Variants in NUP160 observed in about 807,000 individuals in gnomAD.
NUP160 encodes nucleoporin 160, also known as nuclear pore complex protein Nup160.
Under a neutral mutation model 196.9 loss-of-function variants are expected in NUP160, and 94 were observed. The ratio of observed to expected loss-of-function variants is 0.48; its 90% CI spans 0.40 to 0.57. The LOEUF (loss-of-function observed/expected upper bound fraction) is 0.57. Among genes scored for constraint, NUP160 ranks in the 20% least tolerant of loss-of-function variants. The probability of loss-of-function intolerance (pLI) is 0.00; values close to 1 mark genes in which losing one functional copy is unlikely to be tolerated. For missense variants in NUP160, 1,638 were observed against 1,748.3 expected (o/e 0.94, Z 1.13); for synonymous variants, 605 against 619.7 (o/e 0.98, Z 0.35).
intron 27 of NUP160, chr11:47,796,364 C>A: frequency 3.3e-6 from 2 of 602,020 alleles, no homozygotes; most frequent in East Asian, 2.8e-5. Context: ...TGGAATTTAT[C>A]CTTACAAATT....
At position 47,782,300 on chromosome 11, in the gene NUP160, AAAAATATATATATAT is replaced by A. The variant is rs1412675401; in HGVS notation, c.4116+758_4116+772del. Among the ~76,000 whole-genome samples the A allele has an allele frequency of 1.1e-3, 45 of 42,520 alleles. 3 individuals carry two copies. Among genetic ancestry groups the A allele is most frequent in the Non-Finnish European group, 1.7e-3 (37 of 21,674 alleles). 27.9% of individuals were successfully genotyped at this position (42,520 alleles called of 152,430 possible). ...GAGCAAAACTCAGTTAAAAAAAAAA[AAAAATATATATATAT>A]ATATATATATATATATATATATATA... On this transcript the variant is annotated intron_variant, in intron 34 of 35. Transcript: ENST00000378460.
intron 13 of NUP160, among the ~76,000 whole-genome samples, chr11:47,813,794 G>A (rs753817022): frequency 5.3e-5 from 8 of 151,966 alleles, no homozygotes; most frequent in Non-Finnish European, 8.8e-5. Flanking sequence ...CCACTGGGCC[G>A]GGCGCAGTGG....
At chr11:47,821,663 C>G in intron 9 of NUP160, 61 bp downstream of exon 9, 1 of 1,283,720 alleles carries the variant, frequency 7.8e-7, no homozygotes, top group South Asian at 1.2e-5. Context: ...CCCGGCCTCT[C>G]GTCTTCTTAG....
Position 47,848,140 on chromosome 11 carries a change from G to A in NUP160, c.202+79C>T, listed in dbSNP as rs911740647. 3 of 1,508,338 alleles carry A rather than the reference G, an allele frequency of 2.0e-6. No individual in the cohort carries two copies. In the African/African-American group the frequency reaches 4.1e-5, roughly 21 times the overall value. 93.4% of individuals were successfully genotyped at this position (1,508,338 alleles called of 1,614,324 possible). ...CATGTGGACTCAGGAGGATGAAACA[G>A]GGCGTCAGGGACCCTGGGACCCATG... On this transcript the variant is annotated intron_variant, in intron 1 of 35. Transcript: ENST00000378460.
chr11:47,803,008 A>AT (rs1156485763), intron 22 of NUP160, among the ~76,000 whole-genome samples: 1 of 151,908 alleles, frequency 6.6e-6, no homozygotes, highest in Non-Finnish European at 1.5e-5. Context: ...AAATAAGTAA[A>AT]TAAGTTTGAT....
chr11:47,808,387 G>GA lies in NUP160; in HGVS notation c.2375+8dup, dbSNP rs1458510579. The GA allele has an allele frequency of 6.2e-7, 1 of 1,604,018 alleles. No homozygotes were observed. Among genetic ancestry groups the GA allele is most frequent in the South Asian group, 1.1e-5 (1 of 89,064 alleles). ...TTACATTTTAAATAATTGGGATAAT[G>GA]AAACTCACAGTGTGTCAAGTGGAAC... On this transcript the variant is annotated intron_variant, in intron 18 of 35. Coordinates refer to ENST00000378460, the Ensembl canonical transcript of NUP160.
At chr11:47,815,342 T>C (rs1455775385) in intron 13 of NUP160, 137 bp downstream of exon 13, 1 of 511,508 alleles carries the variant, frequency 2.0e-6, no homozygotes, top group East Asian at 3.3e-5. Flanking sequence ...AAATGCAAAG[T>C]CCTAAATGCT....
At chr11:47,833,092 T>C (rs1323148097) in intron 7 of NUP160, among the ~76,000 whole-genome samples, 2 of 152,176 alleles carry the variant, frequency 1.3e-5, no homozygotes, top group Admixed American at 1.3e-4. Context: ...TATCTGTGGA[T>C]ATACTAAAAC....
At chr11:47,847,401 G>A (rs1374903966) in intron 2 of NUP160, among the ~76,000 whole-genome samples, 2 of 152,056 alleles carry the variant, frequency 1.3e-5, no homozygotes, top group African/African-American at 4.8e-5. Flanking sequence ...TGAAAAGTGG[G>A]TCTACATCTA....
intron 32 of NUP160, among the ~76,000 whole-genome samples, chr11:47,785,339 C>T (rs2097663959): frequency 6.6e-6 from 1 of 151,900 alleles, no homozygotes; most frequent in Non-Finnish European, 1.5e-5. Flanking sequence ...CTATGTTGTC[C>T]ACGCTGGTAT....
chr11:47,845,149 T>G (rs979482971), intron 2 of NUP160, among the ~76,000 whole-genome samples: 1 of 151,472 alleles, frequency 6.6e-6, no homozygotes, highest in East Asian at 1.9e-4. Flanking sequence ...TTTATTTACA[T>G]TTTTTTTTGA....
At chr11:47,782,295 AAAAAAAAAATATATATATAT>A (rs2097661417) in intron 34 of NUP160, among the ~76,000 whole-genome samples, 1 of 38,022 alleles carries the variant, frequency 2.6e-5, no homozygotes, top group Admixed American at 2.6e-4. Context: ...CAGTTAAAAA[AAAAAAAAAATATATATATAT>A]ATATATATAT....
chr11:47,791,788 C>T, intron 29 of NUP160, 142 bp downstream of exon 29: 1 of 592,432 alleles, frequency 1.7e-6, no homozygotes, highest in South Asian at 2.6e-5. Context: ...TTGTGTTTTA[C>T]AAGGGCAACT....
intron 9 of NUP160, 39 bp from the exon 10 acceptor site, chr11:47,819,497 T>C: frequency 6.9e-7 from 1 of 1,440,132 alleles, no homozygotes; most frequent in Non-Finnish European, 9.8e-7. Context: ...ACAGAAATGA[T>C]CACTAAAAAT....
chr11:47,816,044 C>T lies in NUP160; in HGVS notation c.1432-15G>A. 6.3e-7 allele frequency: 1 copy of T among 1,575,266 alleles called. No individual in the cohort carries two copies. Among genetic ancestry groups the T allele is most frequent in the African/African-American group, 1.3e-5 (1 of 74,260 alleles). ...CGGCAGAAAATCTAACATTAAAAGACATTTTAGACTTCTATATAATAGCCA... is the reference window on the plus strand; with the variant it reads ...CGGCAGAAAATCTAACATTAAAAGATATTTTAGACTTCTATATAATAGCCA... On this transcript the variant is annotated splice_polypyrimidine_tract_variant and intron_variant, in intron 11 of 35. Transcript: ENST00000378460.
chr11:47,791,098 A>C (rs2097667641), intron 29 of NUP160, among the ~76,000 whole-genome samples: 1 of 152,228 alleles, frequency 6.6e-6, no homozygotes, highest in South Asian at 2.1e-4. Context: ...TTTTGCAAAA[A>C]GCACAAGGTT....
At chr11:47,823,911 C>A (rs995083333) in intron 7 of NUP160, among the ~76,000 whole-genome samples, 2 of 150,948 alleles carry the variant, frequency 1.3e-5, no homozygotes, top group African/African-American at 4.9e-5. Flanking sequence ...TGTGGATGGA[C>A]ACTTGGGCTG....
rs771502743 is a variant in NUP160 at position 47,783,141 on chromosome 11, C to T, written c.4048G>A (p.Ala1350Thr). The T allele has an allele frequency of 3.2e-5, 51 of 1,613,886 alleles. No individual in the cohort carries two copies. Among genetic ancestry groups the T allele is most frequent in the Non-Finnish European group, 3.6e-5 (42 of 1,179,966 alleles). Reference sequence around the variant, plus strand: ...ACATATTCTGACACCAAATCCACAGCTTCTTCTAAAAGGTCATAGTTTAAG... The same window carrying T: ...ACATATTCTGACACCAAATCCACAGTTTCTTCTAAAAGGTCATAGTTTAAG... Residue 1350 changes from alanine to threonine, a missense_variant, in exon 34 of 36, where the codon GCT becomes ACT. Physicochemically the swap from Ala to Thr is moderately conservative, Grantham distance 58. Around this residue, in one of 3 missense-constraint regions of NUP160, gnomAD observed 1,345 missense variants for 1,470.2 expected, o/e 0.91. Coordinates refer to ENST00000378460, the Ensembl canonical transcript of NUP160.
intron 30 of NUP160, 53 bp downstream of exon 30, chr11:47,788,448 A>G: frequency 6.4e-7 from 1 of 1,560,248 alleles, no homozygotes; most frequent in Non-Finnish European, 8.8e-7. Flanking sequence ...CCTGGACCTA[A>G]AATGTGCTCG....
Sources: allele counts gnomAD v4.1 joint callset (sites outside exome capture counted in the v4.1 genomes callset), GRCh38; gene constraint gnomAD v4.1.1; regional missense constraint gnomAD v4.1.1; transcripts MANE v1.5; gene names NCBI Gene and HGNC (gene_info 2026-07-23, HGNC 2026-07-21).